The following MARCHF6 variants were observed in gnomAD, a reference collection of about 807,000 sequenced individuals.
MARCHF6 encodes E3 ubiquitin-protein ligase MARCHF6.
MARCHF6 carries 31 observed loss-of-function variants against 133.7 expected under a neutral mutation model. The ratio of observed to expected loss-of-function variants is 0.23; its 90% CI spans 0.17 to 0.31. MARCHF6 has a LOEUF of 0.31. Ranked by LOEUF, MARCHF6 falls within the 10% of genes least tolerant of loss-of-function variation. The probability of loss-of-function intolerance (pLI) is 1.00; values close to 1 mark genes in which losing one functional copy is unlikely to be tolerated. For missense variants in MARCHF6, 723 were observed against 1,121.6 expected, an observed-to-expected ratio of 0.64 and a Z score of 5.08; for synonymous variants, 395 against 402.5, an observed-to-expected ratio of 0.98 and a Z score of 0.22.
chr5:10,362,708 A>T (rs960635644), intron 1 of MARCHF6, among the ~76,000 whole-genome samples: 16 of 152,226 alleles, frequency 1.1e-4, no homozygotes, highest in Non-Finnish European at 1.6e-4. Context: ...TATAGCTTGA[A>T]AAGGGATGAA....
chr5:10,364,097 T>C (rs1298961145), intron 1 of MARCHF6, among the ~76,000 whole-genome samples: 1 of 152,244 alleles, frequency 6.6e-6, no homozygotes, highest in Non-Finnish European at 1.5e-5. Context: ...TTATGACATA[T>C]ATCTGAATAA....
Position 10,392,537 on chromosome 5 carries a change from T to C in MARCHF6, c.766+806T>C, listed in dbSNP as rs185494056. Among the ~76,000 whole-genome samples the C allele has an allele frequency of 2.3e-4, 35 of 152,246 alleles. No homozygotes were observed. The East Asian group carries it at 6.0e-3, about 26-fold the overall frequency. The stretch of plus-strand genomic sequence containing the variant: ...CAAGACAGGAGATGGGTAGATCACC[T>C]GAGGTCAGGAGTTTGAGACCAGCTT... On this transcript the variant is annotated intron_variant, in intron 7 of 25. Transcript: ENST00000274140.
intron 1 of MARCHF6, among the ~76,000 whole-genome samples, chr5:10,356,382 A>G (rs564324008): frequency 7.3e-6 from 1 of 136,110 alleles, no homozygotes; most frequent in South Asian, 2.2e-4. Flanking sequence ...ATTTTATTTT[A>G]TTTTATTTTA....
intron 5 of MARCHF6, 58 bp downstream of exon 5, chr5:10,387,124 C>A: frequency 1.6e-6 from 2 of 1,233,116 alleles, no homozygotes; most frequent in Non-Finnish European, 2.3e-6. Flanking sequence ...TTGCTTTTTT[C>A]CTTGCATATT....
At chr5:10,364,357 T>C (rs576386627) in intron 1 of MARCHF6, among the ~76,000 whole-genome samples, 1 of 152,276 alleles carries the variant, frequency 6.6e-6, no homozygotes, top group South Asian at 2.1e-4. Flanking sequence ...TGTGTGTACC[T>C]GTGCAAGTCC....
intron 3 of MARCHF6, among the ~76,000 whole-genome samples, chr5:10,379,708 G>C (rs1013654624): frequency 1.3e-5 from 2 of 152,066 alleles, no homozygotes; most frequent in African/African-American, 4.8e-5. Context: ...TGATCTGCCT[G>C]CCTCAGCCTC....
intron 22 of MARCHF6, 146 bp from the exon 23 acceptor site, chr5:10,423,589 A>G (rs533991716): frequency 9.2e-6 from 4 of 433,762 alleles, no homozygotes; most frequent in South Asian, 8.3e-5. Context: ...CTGGGTTTTC[A>G]GTACGTTAGT....
chr5:10,398,115 A>G (rs1284471381), intron 10 of MARCHF6, among the ~76,000 whole-genome samples: 2 of 152,178 alleles, frequency 1.3e-5, no homozygotes, highest in Non-Finnish European at 2.9e-5. Flanking sequence ...ACTTCAGGCA[A>G]CATATCCCTA....
intron 25 of MARCHF6, among the ~76,000 whole-genome samples, chr5:10,433,342 C>A (rs1335098010): frequency 6.6e-6 from 1 of 152,176 alleles, no homozygotes; most frequent in Non-Finnish European, 1.5e-5. Context: ...TCTGAGACCC[C>A]CTAAACCACT....
At chr5:10,415,832 T>C (rs1379696705) in intron 21 of MARCHF6, among the ~76,000 whole-genome samples, 163 bp downstream of exon 21, 1 of 152,192 alleles carries the variant, frequency 6.6e-6, no homozygotes, top group Non-Finnish European at 1.5e-5. Context: ...ATAGTGGCTT[T>C]CTGGTTCATT....
At position 10,434,051 on chromosome 5, in the gene MARCHF6, C is replaced by T. The variant is rs977969538; in HGVS notation, c.*367C>T. The T allele has an allele frequency of 1.4e-5, 3 of 207,036 alleles. No individual in the cohort carries two copies. Among genetic ancestry groups the T allele is most frequent in the African/African-American group, 7.1e-5 (3 of 42,392 alleles). The allele number at this position is 207,036 out of a possible 1,614,324, so 12.8% of individuals were successfully genotyped here. On this transcript the variant is annotated 3_prime_UTR_variant, in exon 26 of 26. Coordinates refer to ENST00000274140, the MANE Select transcript of MARCHF6 (RefSeq NM_005885.4). ...GGAAACGTGCCACAGAGCAGTAGTG[C>T]GCAGGCAAGACTTTTCAGTGACGCC... is the stretch of plus-strand genomic sequence containing the variant.
chr5:10,411,296 TG>T (rs1368492142), intron 18 of MARCHF6, 36 bp from the exon 19 acceptor site: 9 of 1,539,104 alleles, frequency 5.8e-6, no homozygotes, highest in Non-Finnish European at 7.2e-6. Context: ...TATTGTGACC[TG>T]AAGTGAGACT....
chr5:10,403,936 A>T (rs1466650450), intron 15 of MARCHF6, among the ~76,000 whole-genome samples: 1 of 152,192 alleles, frequency 6.6e-6, no homozygotes, highest in Admixed American at 6.5e-5. Context: ...GTTTTGCAGG[A>T]TCAGACATGT....
intron 4 of MARCHF6, among the ~76,000 whole-genome samples, chr5:10,383,583 A>G (rs950913141): frequency 1.3e-5 from 2 of 152,210 alleles, no homozygotes; most frequent in South Asian, 2.1e-4. Context: ...TTTTGAACCT[A>G]AAATTCCCTT....
chr5:10,368,842 G>A (rs1305383513), intron 1 of MARCHF6, among the ~76,000 whole-genome samples: 1 of 152,108 alleles, frequency 6.6e-6, no homozygotes, highest in Non-Finnish European at 1.5e-5. Context: ...CAAAGTGTTG[G>A]GATTACAGGC....
At chr5:10,375,015 G>A (rs1038051583) in intron 1 of MARCHF6, among the ~76,000 whole-genome samples, 13 of 152,222 alleles carry the variant, frequency 8.5e-5, no homozygotes, top group East Asian at 1.9e-4. Flanking sequence ...CACAGCCCTC[G>A]CTTGCTCTCG....
At chr5:10,424,331 A>G (rs1054581875) in intron 23 of MARCHF6, among the ~76,000 whole-genome samples, 1 of 152,174 alleles carries the variant, frequency 6.6e-6, no homozygotes, top group African/African-American at 2.4e-5. Context: ...AGAGGCCCAG[A>G]AAGGCCCAAA....
intron 21 of MARCHF6, among the ~76,000 whole-genome samples, chr5:10,416,657 A>G (rs1310806652): frequency 6.6e-6 from 1 of 152,200 alleles, no homozygotes; most frequent in Non-Finnish European, 1.5e-5. Context: ...ATGAGGATCC[A>G]AGGCCACTTT....
chr5:10,425,413 C>A (rs1740029758), intron 23 of MARCHF6, among the ~76,000 whole-genome samples: 1 of 152,190 alleles, frequency 6.6e-6, no homozygotes. Context: ...GGCTGTGGAA[C>A]ATCATTGATC....
Sources: allele counts gnomAD v4.1 joint callset (sites outside exome capture counted in the v4.1 genomes callset), GRCh38; gene constraint gnomAD v4.1.1; transcripts MANE v1.5; gene names NCBI Gene and HGNC (gene_info 2026-07-23, HGNC 2026-07-21).